EDIL3: variants seen among roughly 807,000 people sequenced by gnomAD.
EDIL3 encodes the protein EGF-like repeat and discoidin I-like domain-containing protein 3.
Under a neutral mutation model 67.4 loss-of-function variants are expected in EDIL3, and 37 were observed. That is an observed-to-expected ratio of 0.55 (90% CI 0.42 to 0.72). EDIL3 has a LOEUF of 0.72. EDIL3 is among the 30% of genes least tolerant of loss of function. The pLI is 0.00. For synonymous variants in EDIL3, 195 were observed against 196.3 expected, an observed-to-expected ratio of 0.99 and a Z score of 0.05; for missense variants, 527 against 586.3, an observed-to-expected ratio of 0.90 and a Z score of 1.04.
chr5:84,301,523 G>A (rs942244481), intron 1 of EDIL3, among the ~76,000 whole-genome samples: 1 of 152,116 alleles, frequency 6.6e-6, no homozygotes, highest in African/African-American at 2.4e-5. Context: ...GCGAAATACA[G>A]AAATGGAATG....
chr5:84,114,140 A>G (rs1427033319), intron 5 of EDIL3, among the ~76,000 whole-genome samples: 2 of 144,482 alleles, frequency 1.4e-5, no homozygotes, highest in Admixed American at 7.0e-5. Flanking sequence ...GTTTAAAGGA[A>G]CCCTAAAGTT....
chr5:84,106,099 C>A (rs772542650), intron 6 of EDIL3, among the ~76,000 whole-genome samples: 3 of 152,054 alleles, frequency 2.0e-5, no homozygotes, highest in Non-Finnish European at 4.4e-5. Context: ...CTTGCTACCC[C>A]CTCTGGGAAA....
chr5:84,147,513 T>C (rs1247797501), intron 4 of EDIL3, among the ~76,000 whole-genome samples: 1 of 152,014 alleles, frequency 6.6e-6, no homozygotes, highest in Non-Finnish European at 1.5e-5. Context: ...ATTTGCACTC[T>C]TATCACCAAT....
At chr5:84,267,426 T>C (rs1022077209) in intron 1 of EDIL3, among the ~76,000 whole-genome samples, 1 of 152,184 alleles carries the variant, frequency 6.6e-6, no homozygotes, top group African/African-American at 2.4e-5. Flanking sequence ...TGCTTAGTGT[T>C]TCTAGAAAGT....
chr5:84,239,611 A>G (rs1232205403), intron 2 of EDIL3, among the ~76,000 whole-genome samples: 3 of 152,198 alleles, frequency 2.0e-5, no homozygotes, highest in Non-Finnish European at 4.4e-5. Flanking sequence ...AGTACTGGGA[A>G]CTGGTAATCT....
At chr5:84,004,195 C>A (rs527944894) in intron 9 of EDIL3, among the ~76,000 whole-genome samples, 1 of 152,064 alleles carries the variant, frequency 6.6e-6, no homozygotes, top group Admixed American at 6.6e-5. Context: ...TAGAGACTTA[C>A]GAAGAGACTT....
intron 3 of EDIL3, among the ~76,000 whole-genome samples, chr5:84,190,721 G>A (rs1308645766): frequency 3.3e-5 from 5 of 151,626 alleles, no homozygotes; most frequent in African/African-American, 9.7e-5. Context: ...CTCTGACAGC[G>A]CTTCACCTTT....
chr5:84,286,534 G>T (rs1458367169), intron 1 of EDIL3, among the ~76,000 whole-genome samples: 4 of 152,086 alleles, frequency 2.6e-5, no homozygotes, highest in Non-Finnish European at 4.4e-5. Flanking sequence ...AATATATTTA[G>T]CATATACTCT....
intron 1 of EDIL3, among the ~76,000 whole-genome samples, chr5:84,321,973 A>C (rs1693696613): frequency 6.6e-6 from 1 of 152,128 alleles, no homozygotes; most frequent in South Asian, 2.1e-4. Flanking sequence ...GAAAAGGCAC[A>C]GATTCAGAAA....
intron 10 of EDIL3, among the ~76,000 whole-genome samples, chr5:83,956,206 C>T (rs1053112770): frequency 6.6e-6 from 1 of 151,812 alleles, no homozygotes; most frequent in African/African-American, 2.4e-5. Context: ...CCCTTCCTTT[C>T]CTGCTCTTAA....
At chr5:84,129,072 G>A (rs1408132393) in intron 5 of EDIL3, among the ~76,000 whole-genome samples, 5 of 152,144 alleles carry the variant, frequency 3.3e-5, no homozygotes, top group African/African-American at 4.8e-5. Context: ...TAACTTTAAG[G>A]TACAGTAGGT....
At chr5:83,948,698 T>C (rs919855329) in intron 10 of EDIL3, among the ~76,000 whole-genome samples, 10 of 151,914 alleles carry the variant, frequency 6.6e-5, no homozygotes, top group African/African-American at 1.4e-4. Context: ...ACAAATCTTA[T>C]TGGAAGCTTT....
At chr5:84,029,944 A>G (rs1438518031) in intron 9 of EDIL3, among the ~76,000 whole-genome samples, 3 of 152,208 alleles carry the variant, frequency 2.0e-5, no homozygotes, top group African/African-American at 7.2e-5. Flanking sequence ...AAACTCAGAA[A>G]AACTTTGTTT....
At position 84,050,841 on chromosome 5, in the gene EDIL3, G is replaced by A. The variant is rs549391754; in HGVS notation, c.1137+9459C>T. On this transcript the variant is annotated intron_variant, in intron 9 of 10. Transcript: ENST00000296591. Reference sequence around the variant, plus strand: ...AAGCTTGAACTGGGTGAAGCCCACCGCAGCTCAAGGAGGCCTGCCTGCCTC... The same window carrying A: ...AAGCTTGAACTGGGTGAAGCCCACCACAGCTCAAGGAGGCCTGCCTGCCTC... 2.1e-3 allele frequency among the ~76,000 whole-genome samples: 327 copies of A among 152,298 alleles called. 1 individual carries two copies. Among genetic ancestry groups the A allele is most frequent in the African/African-American group, 7.6e-3 (314 of 41,572 alleles).
chr5:83,968,038 G>A (rs1163188754), intron 9 of EDIL3, among the ~76,000 whole-genome samples: 1 of 152,068 alleles, frequency 6.6e-6, no homozygotes, highest in Non-Finnish European at 1.5e-5. Context: ...TATAGGCAAC[G>A]TATTTAATAA....
intron 1 of EDIL3, among the ~76,000 whole-genome samples, chr5:84,309,272 T>C (rs1043306312): frequency 6.6e-6 from 1 of 151,826 alleles, no homozygotes; most frequent in Non-Finnish European, 1.5e-5. Flanking sequence ...TATCTTTCTT[T>C]GGTAGTGATA....
chr5:84,181,458 C>T (rs1398094374), intron 3 of EDIL3, among the ~76,000 whole-genome samples: 1 of 152,120 alleles, frequency 6.6e-6, no homozygotes, highest in Non-Finnish European at 1.5e-5. Context: ...TCTGAGGTGC[C>T]CCAATGGTGT....
intron 1 of EDIL3, among the ~76,000 whole-genome samples, chr5:84,259,546 G>A (rs531364316): frequency 6.6e-6 from 1 of 152,260 alleles, no homozygotes; most frequent in African/African-American, 2.4e-5. Flanking sequence ...ATGCCGATTT[G>A]CTTTTTGGCA....
At chr5:84,357,289 A>C (rs1434109815) in intron 1 of EDIL3, among the ~76,000 whole-genome samples, 1 of 151,810 alleles carries the variant, frequency 6.6e-6, no homozygotes, top group Non-Finnish European at 1.5e-5. Context: ...CCATTTCCTT[A>C]ATTTGTATAC....
Sources: allele counts gnomAD v4.1 joint callset (sites outside exome capture counted in the v4.1 genomes callset), GRCh38; gene constraint gnomAD v4.1.1; transcripts MANE v1.5; gene names NCBI Gene and HGNC (gene_info 2026-07-23, HGNC 2026-07-21).